The following ROR1 variants were observed in gnomAD, a reference collection of about 807,000 sequenced individuals.
The protein encoded by ROR1 is ROR family WNT receptor 1.
ROR1 carries 19 observed loss-of-function variants against 78.8 expected under a neutral mutation model. The ratio of observed to expected loss-of-function variants is 0.24; its 90% CI spans 0.17 to 0.35. ROR1 has a LOEUF of 0.35. ROR1 is among the 10% of genes least tolerant of loss of function. ROR1 has a pLI of 1.00. For missense variants in ROR1, 917 were observed against 1,177.8 expected, an observed-to-expected ratio of 0.78 and a Z score of 3.24; for synonymous variants, 386 against 433.6, an observed-to-expected ratio of 0.89 and a Z score of 1.36.
At chr1:64,109,510 T>C (rs1647986347) in intron 4 of ROR1, among the ~76,000 whole-genome samples, 2 of 152,130 alleles carry the variant, frequency 1.3e-5, no homozygotes, top group South Asian at 4.1e-4. Context: ...AGTGCCTAGA[T>C]AGCACTTTCA....
intron 4 of ROR1, among the ~76,000 whole-genome samples, chr1:64,065,476 A>G (rs766080406): frequency 8.5e-5 from 13 of 152,218 alleles, no homozygotes; most frequent in Non-Finnish European, 1.2e-4. Context: ...CAGTACAGCA[A>G]CAGCAGAAGA....
intron 4 of ROR1, among the ~76,000 whole-genome samples, chr1:64,102,171 C>A (rs576426448): frequency 1.6e-4 from 24 of 152,208 alleles, no homozygotes; most frequent in Non-Finnish European, 2.8e-4. Flanking sequence ...GTAGCAGAAC[C>A]CTGACCTCCA....
intron 8 of ROR1, among the ~76,000 whole-genome samples, chr1:64,160,346 A>G (rs921200357): frequency 1.3e-5 from 2 of 151,808 alleles, no homozygotes; most frequent in African/African-American, 4.8e-5. Context: ...TTTTGCTATT[A>G]TAAAGTCATA....
rs905605834 is a variant in ROR1, at chr1:64,007,856, C to A, written c.92-1449C>A. ...TATTAGTCTAAGACTGGTCTTTCAA[C>A]AAGAAAAGGAGTTTATGTTTGATTA... On this transcript the variant is annotated intron_variant, in intron 1 of 8. Coordinates refer to ENST00000371079, the MANE Select transcript of ROR1 (RefSeq NM_005012.4). Among the ~76,000 whole-genome samples the A allele has an allele frequency of 3.3e-5, 5 of 152,018 alleles. No individual in the cohort carries two copies. The East Asian group carries it at 9.6e-4, about 29-fold the overall frequency.
intron 1 of ROR1, among the ~76,000 whole-genome samples, chr1:63,986,566 C>A (rs1261037452): frequency 1.3e-5 from 2 of 152,250 alleles, no homozygotes; most frequent in East Asian, 3.9e-4. Flanking sequence ...GCAGGAGATG[C>A]CCAGCAAAGG....
At chr1:64,029,658 C>T (rs746917129) in intron 2 of ROR1, among the ~76,000 whole-genome samples, 2 of 152,048 alleles carry the variant, frequency 1.3e-5, no homozygotes, top group Non-Finnish European at 2.9e-5. Flanking sequence ...GACAGACTGA[C>T]AGAGAGAGAG....
chr1:63,789,881 A>G (rs949288222), intron 1 of ROR1, among the ~76,000 whole-genome samples: 2 of 152,098 alleles, frequency 1.3e-5, no homozygotes, highest in African/African-American at 2.4e-5. Flanking sequence ...CAAAGCAAGG[A>G]TCCACTGACA....
intron 1 of ROR1, among the ~76,000 whole-genome samples, chr1:63,901,607 GA>G (rs67734570): frequency 0.75 from 110,343 of 147,310 alleles, 46,583 homozygotes; most frequent in East Asian, 0.99. Context: ...ATTTAATTTG[GA>G]AAAAAAAAAA....
chr1:63,791,496 T>A (rs1259417912), intron 1 of ROR1, among the ~76,000 whole-genome samples: 1 of 152,194 alleles, frequency 6.6e-6, no homozygotes, highest in African/African-American at 2.4e-5. Context: ...GATTCTTGAC[T>A]GAGGGATAAA....
intron 1 of ROR1, among the ~76,000 whole-genome samples, chr1:63,885,743 G>A (rs548386115): frequency 6.6e-6 from 1 of 152,096 alleles, no homozygotes; most frequent in Non-Finnish European, 1.5e-5. Flanking sequence ...CTTGGGTATA[G>A]GATCAATGCA....
intron 8 of ROR1, among the ~76,000 whole-genome samples, chr1:64,161,274 CA>C (rs1649936311): frequency 6.6e-6 from 1 of 152,166 alleles, no homozygotes; most frequent in Non-Finnish European, 1.5e-5. Flanking sequence ...TTATTAGAAG[CA>C]ATAAAATGTG....
rs1408080102 is a variant in ROR1, at chr1:63,995,973, T to C, written c.92-13332T>C. 3.9e-5 allele frequency among the ~76,000 whole-genome samples: 6 copies of C among 152,188 alleles called. No individual in the cohort carries two copies. In the East Asian group the frequency reaches 1.2e-3, roughly 29 times the overall value. The stretch of plus-strand genomic sequence containing the variant: ...AGATGTGGATACAGGGAGGAATAAA[T>C]TGTGGGCATTTTATAGTCTACTACA... On this transcript the variant is annotated intron_variant, in intron 1 of 8. Transcript: ENST00000371079.
At chr1:64,031,908 CTCTT>C (rs1285154287) in intron 2 of ROR1, among the ~76,000 whole-genome samples, 1 of 151,758 alleles carries the variant, frequency 6.6e-6, no homozygotes, top group Non-Finnish European at 1.5e-5. Flanking sequence ...TGCTATGAAA[CTCTT>C]TTTTTTTTTC....
At chr1:64,048,940 T>C (rs918956191) in intron 2 of ROR1, among the ~76,000 whole-genome samples, 1 of 152,290 alleles carries the variant, frequency 6.6e-6, no homozygotes, top group East Asian at 1.9e-4. Context: ...GTTGTTGATG[T>C]TCTATCAAGA....
intron 1 of ROR1, among the ~76,000 whole-genome samples, chr1:63,947,227 A>G (rs532896802): frequency 1.1e-4 from 17 of 152,296 alleles, no homozygotes; most frequent in Admixed American, 2.6e-4. Flanking sequence ...CCTGTATGGC[A>G]GCCCAACTTG....
intron 1 of ROR1, among the ~76,000 whole-genome samples, chr1:64,004,939 C>T (rs551603660): frequency 9.2e-5 from 14 of 151,872 alleles, no homozygotes; most frequent in African/African-American, 1.9e-4. Context: ...TAAAAGAGGT[C>T]GAGAAAGATA....
intron 2 of ROR1, among the ~76,000 whole-genome samples, chr1:64,014,159 G>A (rs1260250206): frequency 3.9e-5 from 6 of 152,130 alleles, no homozygotes; most frequent in African/African-American, 1.2e-4. Context: ...GTTCCCTCAC[G>A]TGGAGAAGCA....
At chr1:63,777,648 C>G (rs1295871102) in intron 1 of ROR1, among the ~76,000 whole-genome samples, 1 of 152,112 alleles carries the variant, frequency 6.6e-6, no homozygotes, top group Non-Finnish European at 1.5e-5. Flanking sequence ...GAGCATAGGC[C>G]CCCAGTTAGA....
intron 2 of ROR1, among the ~76,000 whole-genome samples, chr1:64,026,211 A>G (rs1304701969): frequency 6.6e-6 from 1 of 152,036 alleles, no homozygotes; most frequent in Non-Finnish European, 1.5e-5. Flanking sequence ...TGTTCTCTGG[A>G]CTTTGCAGTA....
Sources: gnomAD v4.1 joint callset for allele counts (sites outside exome capture counted in the v4.1 genomes callset) on GRCh38, gnomAD v4.1.1 for gene constraint, MANE v1.5 for transcripts, NCBI Gene and HGNC (gene_info 2026-07-23, HGNC 2026-07-21) for gene names.